The following ERC1 variants were observed in gnomAD, a reference collection of about 807,000 sequenced individuals.
ERC1 encodes the protein RAB6 interacting protein 2.
Under a neutral mutation model 132.0 loss-of-function variants are expected in ERC1, and 56 were observed. The ratio of observed to expected loss-of-function variants is 0.42; its 90% CI spans 0.34 to 0.53. The LOEUF (loss-of-function observed/expected upper bound fraction) is 0.53. Ranked by LOEUF, ERC1 falls within the 20% of genes least tolerant of loss-of-function variation. The pLI, the probability that ERC1 is intolerant of heterozygous loss-of-function variation, is 0.03. For synonymous variants in ERC1, 478 were observed against 476.1 expected (o/e 1.00, Z -0.05); for missense variants, 1,202 against 1,349.9 (o/e 0.89, Z 1.72).
chr12:1,156,771 A>T (rs1951440651), intron 8 of ERC1, among the ~76,000 whole-genome samples: 1 of 151,976 alleles, frequency 6.6e-6, no homozygotes, highest in African/African-American at 2.4e-5. Context: ...CTTAGTATTT[A>T]TTTAAAGTTG....
intron 16 of ERC1, among the ~76,000 whole-genome samples, chr12:1,394,207 T>C (rs760920183): frequency 3.0e-4 from 46 of 151,316 alleles, no homozygotes; most frequent in Non-Finnish European, 5.0e-4. Flanking sequence ...GAGACCATCC[T>C]GGCTAACACG....
At chr12:1,375,010 G>A (rs772291052) in intron 16 of ERC1, among the ~76,000 whole-genome samples, 13 of 152,218 alleles carry the variant, frequency 8.5e-5, no homozygotes, top group Admixed American at 1.3e-4. Flanking sequence ...TTTTGTAGGC[G>A]TGAGGGATAC....
At chr12:1,401,535 T>C (rs2154387704) in intron 16 of ERC1, among the ~76,000 whole-genome samples, 1 of 152,328 alleles carries the variant, frequency 6.6e-6, no homozygotes, top group Middle Eastern at 3.4e-3. Flanking sequence ...AGACTGTTTG[T>C]ATTAGAGCTC....
At chr12:1,271,259 A>G (rs1488099307) in intron 14 of ERC1, among the ~76,000 whole-genome samples, 2 of 152,230 alleles carry the variant, frequency 1.3e-5, no homozygotes, top group Non-Finnish European at 2.9e-5. Context: ...TGGGCAGATC[A>G]GGCAATAGCT....
At chr12:1,381,478 C>T (rs958887312) in intron 16 of ERC1, among the ~76,000 whole-genome samples, 3 of 152,126 alleles carry the variant, frequency 2.0e-5, no homozygotes, top group Admixed American at 6.6e-5. Context: ...AGATTACACA[C>T]GTGAGCCACC....
chr12:1,084,398 C>T (rs1019842028), intron 3 of ERC1, among the ~76,000 whole-genome samples: 1 of 152,034 alleles, frequency 6.6e-6, no homozygotes, highest in Non-Finnish European at 1.5e-5. Flanking sequence ...TAAAAAATGG[C>T]GTATTCCCAA....
chr12:1,067,898 A>T (rs1185699713), intron 2 of ERC1, among the ~76,000 whole-genome samples: 1 of 148,682 alleles, frequency 6.7e-6, no homozygotes, highest in Non-Finnish European at 1.5e-5. Context: ...TAGTTTGCCA[A>T]TTTTACTGTA....
At chr12:1,195,882 C>T (rs1370036726) in intron 12 of ERC1, among the ~76,000 whole-genome samples, 3 of 144,222 alleles carry the variant, frequency 2.1e-5, no homozygotes, top group Admixed American at 7.0e-5. Flanking sequence ...TCCGCCCCCC[C>T]CCCCCTTTTT....
intron 18 of ERC1, among the ~76,000 whole-genome samples, chr12:1,482,367 C>G (rs1453596611): frequency 5.5e-5 from 8 of 144,368 alleles, no homozygotes; most frequent in Non-Finnish European, 1.2e-4. Flanking sequence ...AGCATTTTAT[C>G]TCTACCTATT....
In ERC1 at chr12:1,299,731, G is replaced by C. The variant is rs114278998; in HGVS notation, c.2780+9719G>C. Among the ~76,000 whole-genome samples, 679 of 152,070 alleles carry C rather than the reference G, an allele frequency of 4.5e-3. 6 individuals carry two copies. Among genetic ancestry groups the C allele is most frequent in the African/African-American group, 0.015 (631 of 41,492 alleles). ...TTCTTTAAAGAATTAAAAAAAAATTGATAGGTCCCTACCAAATGGATCAAG... is the reference window on the plus strand; with the variant it reads ...TTCTTTAAAGAATTAAAAAAAAATTCATAGGTCCCTACCAAATGGATCAAG... On this transcript the variant is annotated intron_variant, in intron 15 of 18. Coordinates refer to ENST00000360905, the MANE Select transcript of ERC1 (RefSeq NM_178040.4).
intron 10 of ERC1, 28 bp from the exon 11 acceptor site, chr12:1,183,253 T>A: frequency 7.0e-7 from 1 of 1,430,028 alleles, no homozygotes; most frequent in Non-Finnish European, 9.4e-7. Context: ...TAAAATTATT[T>A]ATTCTAGATG....
At chr12:1,055,862 G>T (rs1972850841) in intron 2 of ERC1, among the ~76,000 whole-genome samples, 1 of 152,090 alleles carries the variant, frequency 6.6e-6, no homozygotes, top group Non-Finnish European at 1.5e-5. Flanking sequence ...AAAAGGAGCT[G>T]GCTGGGCGTG....
Position 1,113,417 on chromosome 12 carries a change from A to G in ERC1, c.1401+1119A>G, listed in dbSNP as rs143791772. On this transcript the variant is annotated intron_variant, in intron 6 of 18. Transcript: ENST00000360905. ...CTAGTAAGAGGCAGGATTTGGTTTTATACAGGCAGTCTTCTTCCACATACT... is the reference window on the plus strand; with the variant it reads ...CTAGTAAGAGGCAGGATTTGGTTTTGTACAGGCAGTCTTCTTCCACATACT... Among the ~76,000 whole-genome samples, 634 of 152,362 alleles carry G rather than the reference A, an allele frequency of 4.2e-3. 1 individual carries two copies. Among genetic ancestry groups the G allele is most frequent in the Non-Finnish European group, 6.4e-3 (432 of 68,028 alleles).
intron 15 of ERC1, among the ~76,000 whole-genome samples, chr12:1,324,719 G>A (rs73036626): frequency 0.035 from 5,275 of 152,210 alleles, 97 homozygotes; most frequent in Middle Eastern, 0.075. Flanking sequence ...GTTGCTTAGC[G>A]GTCTCAAACT....
chr12:1,186,831 A>G (rs970271040), intron 11 of ERC1, among the ~76,000 whole-genome samples: 10 of 152,140 alleles, frequency 6.6e-5, no homozygotes, highest in African/African-American at 2.2e-4. Context: ...AATCCATTTT[A>G]TCTTCATTTA....
chr12:1,461,542 C>T (rs557965652), intron 18 of ERC1, among the ~76,000 whole-genome samples: 10 of 152,158 alleles, frequency 6.6e-5, no homozygotes, highest in Admixed American at 3.9e-4. Flanking sequence ...GTGGTGGGCA[C>T]CTGTAATCTC....
At chr12:1,195,783 C>T (rs1280344331) in intron 12 of ERC1, among the ~76,000 whole-genome samples, 1 of 148,560 alleles carries the variant, frequency 6.7e-6, no homozygotes, top group African/African-American at 2.5e-5. Flanking sequence ...TGAGATAGGA[C>T]AATTTCTGAT....
chr12:1,268,745 G>A (rs770757359), intron 14 of ERC1, among the ~76,000 whole-genome samples: 8 of 152,126 alleles, frequency 5.3e-5, no homozygotes, highest in Admixed American at 1.3e-4. Context: ...CAGCCTGGGC[G>A]ACAGAGCGAG....
intron 2 of ERC1, among the ~76,000 whole-genome samples, chr12:1,042,697 A>G (rs1364770418): frequency 6.6e-6 from 1 of 151,940 alleles, no homozygotes; most frequent in African/African-American, 2.4e-5. Context: ...TGATAAACCT[A>G]CAGCATTTGT....
Sources: allele counts gnomAD v4.1 joint callset (sites outside exome capture counted in the v4.1 genomes callset), GRCh38; gene constraint gnomAD v4.1.1; transcripts MANE v1.5; gene names NCBI Gene and HGNC (gene_info 2026-07-23, HGNC 2026-07-21).